Variants in FOXK2 observed in about 807,000 individuals in gnomAD.
FOXK2 encodes forkhead box K2.
In FOXK2, 24 loss-of-function variants were observed where a neutral mutation model predicts 53.3. The ratio of observed to expected loss-of-function variants is 0.45; its 90% confidence interval spans 0.33 to 0.63. FOXK2 has a LOEUF of 0.63. Ranked by LOEUF, FOXK2 falls within the 30% of genes least tolerant of loss-of-function variation. FOXK2 has a pLI of 0.03. For missense variants in FOXK2, 952 were observed against 910.5 expected (o/e 1.05, Z -0.59); for synonymous variants, 505 against 407.1 (o/e 1.24, Z -2.89).
chr17:82,571,880 T>A lies in FOXK2; in HGVS notation c.909+10T>A. On this transcript the variant is annotated intron_variant, in intron 4 of 8. Transcript: ENST00000335255. ...GGACAAGGGCTGGCAGGTAAATGCC[T>A]TCAGTTTGTTGTTAAATAGAGGCTG... 1 of 1,540,004 alleles carries A rather than the reference T, an allele frequency of 6.5e-7. No homozygotes were observed. Among genetic ancestry groups the A allele is most frequent in the East Asian group, 2.5e-5 (1 of 39,772 alleles).
At chr17:82,565,973 C>T (rs886311824) in intron 2 of FOXK2, among the ~76,000 whole-genome samples, 8 of 151,758 alleles carry the variant, frequency 5.3e-5, no homozygotes, top group Non-Finnish European at 1.0e-4. Context: ...ACCCTGAGGA[C>T]GTTATGCTCA....
chr17:82,588,627 C>A (rs1001554591), intron 8 of FOXK2, among the ~76,000 whole-genome samples: 1 of 152,082 alleles, frequency 6.6e-6, no homozygotes, highest in African/African-American at 2.4e-5. Flanking sequence ...GCTGCGTTCC[C>A]CAGAGTTCCC....
intron 1 of FOXK2, among the ~76,000 whole-genome samples, chr17:82,546,924 A>G (rs2044631210): frequency 6.6e-6 from 1 of 151,996 alleles, no homozygotes; most frequent in Non-Finnish European, 1.5e-5. Flanking sequence ...TAAAAATACC[A>G]AAATTAGTCG....
rs138197827 is a variant in FOXK2 at position 82,551,854 on chromosome 17, A to G, written c.420-11500A>G. On this transcript the variant is annotated intron_variant, in intron 1 of 8. Transcript: ENST00000335255. ...TGTAATTTATGTGCTTTAAGATGAC[A>G]CTTGCCACTCAGACCTCCTCCAAGG... Among the ~76,000 whole-genome samples, 218 of 152,276 alleles carry G rather than the reference A, an allele frequency of 1.4e-3. 1 individual carries two copies. Among genetic ancestry groups the G allele is most frequent in the African/African-American group, 5.1e-3 (212 of 41,556 alleles).
intron 8 of FOXK2, among the ~76,000 whole-genome samples, chr17:82,598,669 T>TA (rs1303281395): frequency 6.6e-6 from 1 of 152,242 alleles, no homozygotes; most frequent in Non-Finnish European, 1.5e-5. Context: ...ATTAAGCTGT[T>TA]AGTGAGGGCA....
chr17:82,583,912 G>C (rs2045098875), intron 5 of FOXK2, 101 bp from the exon 6 acceptor site: 2 of 1,263,278 alleles, frequency 1.6e-6, no homozygotes, highest in Admixed American at 4.8e-5. Flanking sequence ...GTTGTCAGGA[G>C]ACAAATGACA....
rs542567087 is a variant in FOXK2 at position 82,570,171 on chromosome 17, G to A, written c.763-1553G>A. Reference sequence around the variant, plus strand: ...CGGGAGGTGGAGCTTGCAGTGAGCCGAAATCGCGCCACTGCACTCCAGCCT... The same window carrying A: ...CGGGAGGTGGAGCTTGCAGTGAGCCAAAATCGCGCCACTGCACTCCAGCCT... On this transcript the variant is annotated intron_variant, in intron 3 of 8. Coordinates refer to ENST00000335255, the MANE Select transcript of FOXK2 (RefSeq NM_004514.4). 4.6e-5 allele frequency among the ~76,000 whole-genome samples: 7 copies of A among 151,250 alleles called. No individual in the cohort carries two copies. In the East Asian group the frequency reaches 5.9e-4, roughly 13 times the overall value.
Position 82,520,260 on chromosome 17 carries a change from C to T in FOXK2, c.372C>T (p.Asp124=), listed in dbSNP as rs772319651. 56 of 1,279,388 alleles carry T rather than the reference C, an allele frequency of 4.4e-5. No homozygotes were observed. Among genetic ancestry groups the T allele is most frequent in the East Asian group, 9.5e-5 (3 of 31,622 alleles). 79.3% of individuals were successfully genotyped at this position (1,279,388 alleles called of 1,614,324 possible). Residue 124 remains aspartate, a synonymous_variant, in exon 1 of 9, where the codon GAC becomes GAT. Transcript: ENST00000335255. ...RCLGKNGVFV[D]GVFQRRGAPP... is the part of the protein sequence containing the mutation. ...TGGGCAAGAACGGGGTATTCGTGGA[C>T]GGCGTGTTCCAGAGGCGCGGGGCGC...
At chr17:82,575,950 C>T (rs1292776196) in intron 4 of FOXK2, among the ~76,000 whole-genome samples, 1 of 135,406 alleles carries the variant, frequency 7.4e-6, no homozygotes, top group African/African-American at 2.8e-5. Flanking sequence ...GGTTCATCCA[C>T]ACCAGCGTGT....
At chr17:82,543,126 G>C (rs1017361698) in intron 1 of FOXK2, among the ~76,000 whole-genome samples, 1 of 152,234 alleles carries the variant, frequency 6.6e-6, no homozygotes, top group African/African-American at 2.4e-5. Flanking sequence ...CATTTCCCAC[G>C]TGGGGGTTTC....
chr17:82,583,207 C>A (rs1328706176), intron 5 of FOXK2, among the ~76,000 whole-genome samples: 1 of 152,230 alleles, frequency 6.6e-6, no homozygotes, highest in South Asian at 2.1e-4. Flanking sequence ...ACCAGTGCCA[C>A]GTCGACGTTT....
At chr17:82,583,023 G>T in intron 5 of FOXK2, 89 bp downstream of exon 5, 1 of 956,340 alleles carries the variant, frequency 1.0e-6, no homozygotes, top group East Asian at 2.9e-5. Flanking sequence ...GAAAATGAAG[G>T]AACTACTAAA....
intron 1 of FOXK2, among the ~76,000 whole-genome samples, chr17:82,561,145 C>CA (rs1169837713): frequency 6.6e-6 from 1 of 152,140 alleles, no homozygotes; most frequent in African/African-American, 2.4e-5. Flanking sequence ...TTTCAGTTTT[C>CA]ATGATGGGCG....
chr17:82,541,037 A>G (rs1276665456), intron 1 of FOXK2, among the ~76,000 whole-genome samples: 1 of 152,058 alleles, frequency 6.6e-6, no homozygotes. Flanking sequence ...TCCTTGGAGT[A>G]GGCCCTCCCA....
intron 1 of FOXK2, among the ~76,000 whole-genome samples, chr17:82,521,587 G>A (rs201345176): frequency 6.6e-6 from 1 of 151,762 alleles, no homozygotes; most frequent in Non-Finnish European, 1.5e-5. Context: ...TTCTTAGCAT[G>A]GAAAGGTGCA....
Position 82,587,190 on chromosome 17 carries a change from C to T in FOXK2, c.1704C>T (p.His568=). ...TIVQQAPLGQ[H]QLPIKTVTQN... is the part of the protein sequence containing the mutation. ...TACAACAGGCACCTCTAGGTCAACA[C>T]CAGCTACCAATAAAAACTGTAACAC... The change falls in exon 8 of 9, where the codon CAC becomes CAT. Residue 568 remains histidine, a synonymous_variant. Transcript: ENST00000335255. 6.2e-7 allele frequency: 1 copy of T among 1,613,098 alleles called. No individual in the cohort carries two copies. Among genetic ancestry groups the T allele is most frequent in the Non-Finnish European group, 8.5e-7 (1 of 1,180,016 alleles).
intron 8 of FOXK2, among the ~76,000 whole-genome samples, chr17:82,591,119 G>A (rs143296519): frequency 3.3e-5 from 5 of 152,212 alleles, no homozygotes; most frequent in African/African-American, 9.6e-5. Flanking sequence ...GCCATGCACT[G>A]TAGCCCTGGC....
At chr17:82,565,756 C>A (rs916901058) in intron 2 of FOXK2, among the ~76,000 whole-genome samples, 6 of 152,178 alleles carry the variant, frequency 3.9e-5, no homozygotes, top group African/African-American at 1.4e-4. Flanking sequence ...AGCAGTTCCT[C>A]ACAAAACTAA....
At chr17:82,568,285 C>G in intron 3 of FOXK2, 84 bp downstream of exon 3, 3 of 1,518,982 alleles carry the variant, frequency 2.0e-6, no homozygotes, top group Non-Finnish European at 2.7e-6. Flanking sequence ...TGTCACTCAC[C>G]TGCCTGTCCA....
Sources: gnomAD v4.1 joint callset for allele counts (sites outside exome capture counted in the v4.1 genomes callset) on GRCh38, gnomAD v4.1.1 for gene constraint, MANE v1.5 for transcripts, NCBI Gene and HGNC (gene_info 2026-07-23, HGNC 2026-07-21) for gene names.